The following MED12L variants were observed in gnomAD, a reference collection of about 807,000 sequenced individuals.
MED12L encodes mediator of RNA polymerase II transcription subunit 12-like protein.
MED12L carries 60 observed loss-of-function variants against 281.3 expected under a neutral mutation model. That is an observed-to-expected ratio of 0.21 (90% CI 0.17 to 0.26). The LOEUF (loss-of-function observed/expected upper bound fraction) is 0.26. Ranked by LOEUF, MED12L falls within the 10% of genes least tolerant of loss-of-function variation. The pLI is 1.00. For synonymous variants in MED12L, 974 were observed against 987.2 expected (o/e 0.99, Z 0.25); for missense variants, 2,146 against 2,680.9 (o/e 0.80, Z 4.41).
chr3:151,107,376 C>T (rs1722207195), intron 2 of MED12L, among the ~76,000 whole-genome samples: 1 of 152,126 alleles, frequency 6.6e-6, no homozygotes, highest in South Asian at 2.1e-4. Context: ...TCTAACTCCC[C>T]AGACTAGTTT....
intron 16 of MED12L, among the ~76,000 whole-genome samples, chr3:151,286,689 A>T (rs1743552155): frequency 1.3e-5 from 2 of 151,994 alleles, no homozygotes; most frequent in Admixed American, 6.6e-5. Flanking sequence ...ACATAGACAT[A>T]TTTTCCTATG....
intron 16 of MED12L, among the ~76,000 whole-genome samples, chr3:151,230,624 C>T (rs1205832420): frequency 6.8e-6 from 1 of 148,132 alleles, no homozygotes; most frequent in African/African-American, 2.5e-5. Flanking sequence ...TCTTTGAACT[C>T]TATGTGTTAT....
chr3:151,235,800 G>C (rs1017904071), intron 16 of MED12L, among the ~76,000 whole-genome samples: 4 of 152,114 alleles, frequency 2.6e-5, no homozygotes, highest in African/African-American at 9.7e-5. Flanking sequence ...ACCTTTGTGT[G>C]GCTGCCACAT....
chr3:151,133,234 A>G (rs1394288440), intron 5 of MED12L, among the ~76,000 whole-genome samples: 2 of 152,236 alleles, frequency 1.3e-5, no homozygotes, highest in Non-Finnish European at 2.9e-5. Flanking sequence ...GCAGAGCTAT[A>G]AAGCACTGCT....
intron 16 of MED12L, among the ~76,000 whole-genome samples, chr3:151,258,766 C>T (rs1213746521): frequency 1.3e-5 from 2 of 149,532 alleles, no homozygotes; most frequent in African/African-American, 2.5e-5. Flanking sequence ...GCAGGAGAAT[C>T]GCTTGAACTT....
At chr3:151,396,031 G>T (rs1272979641) in intron 39 of MED12L, among the ~76,000 whole-genome samples, 1 of 152,206 alleles carries the variant, frequency 6.6e-6, no homozygotes, top group Non-Finnish European at 1.5e-5. Context: ...CCATGTGCTT[G>T]TCTCTTCCTG....
At chr3:151,364,832 T>C in intron 21 of MED12L, 147 bp from the exon 22 acceptor site, 1 of 613,742 alleles carries the variant, frequency 1.6e-6, no homozygotes, top group Non-Finnish European at 2.9e-6. Context: ...CGCCAATTAG[T>C]AAGAAGTTCT....
rs553129662 is a variant in MED12L, at chr3:151,313,592, T to A, written c.2251-36467T>A. Among the ~76,000 whole-genome samples the A allele has an allele frequency of 7.2e-5, 11 of 151,882 alleles. No individual in the cohort carries two copies. The South Asian group carries it at 2.3e-3, about 32-fold the overall frequency. ...CAGGTGCGGTGGCTCACACCTGTAA[T>A]CCCAGCACTTTGGGAGGCCGAGATG... On this transcript the variant is annotated intron_variant, in intron 16 of 44. Coordinates refer to ENST00000687756, the MANE Select transcript of MED12L (RefSeq NM_001393769.1).
intron 5 of MED12L, among the ~76,000 whole-genome samples, chr3:151,137,572 T>C (rs906786323): frequency 2.6e-5 from 4 of 152,254 alleles, no homozygotes; most frequent in Non-Finnish European, 4.4e-5. Flanking sequence ...GACACACATA[T>C]CTGCATGTGT....
At chr3:151,417,448 G>A (rs1056888707) in intron 43 of MED12L, among the ~76,000 whole-genome samples, 19 of 148,590 alleles carry the variant, frequency 1.3e-4, no homozygotes, top group African/African-American at 2.2e-4. Flanking sequence ...CAAACTCTGC[G>A]TAAGCCAGTT....
At chr3:151,347,189 C>T (rs1169532690) in intron 16 of MED12L, among the ~76,000 whole-genome samples, 1 of 152,148 alleles carries the variant, frequency 6.6e-6, no homozygotes, top group Non-Finnish European at 1.5e-5. Flanking sequence ...ATCTCCCCTT[C>T]ATTTTTCTCA....
intron 11 of MED12L, among the ~76,000 whole-genome samples, chr3:151,184,936 C>T (rs1352576001): frequency 3.3e-5 from 5 of 152,038 alleles, no homozygotes; most frequent in Non-Finnish European, 7.4e-5. Flanking sequence ...AGTGGGGGGC[C>T]TGAGGGTGCC....
intron 16 of MED12L, among the ~76,000 whole-genome samples, chr3:151,247,962 C>CTTTTTTTTTTTTTTTTTTTTTT (rs61102632): frequency 4.6e-4 from 35 of 75,894 alleles, no homozygotes; most frequent in Non-Finnish European, 6.9e-4. Context: ...TCTTCTTCTT[C>CTTTTTTTTTTTTTTTTTTTTTT]TTTTTTTTTT....
chr3:151,157,110 TTAGTG>T (rs1383020071), intron 6 of MED12L, among the ~76,000 whole-genome samples: 24 of 152,174 alleles, frequency 1.6e-4, no homozygotes, highest in African/African-American at 5.8e-4. Flanking sequence ...AGGGACTACT[TTAGTG>T]CTGCCCTGAG....
intron 43 of MED12L, among the ~76,000 whole-genome samples, chr3:151,421,739 G>A (rs546473517): frequency 1.3e-5 from 2 of 151,710 alleles, no homozygotes; most frequent in Admixed American, 6.6e-5. Flanking sequence ...TTTATCTTTC[G>A]GTATTTTTCT....
intron 5 of MED12L, among the ~76,000 whole-genome samples, chr3:151,136,817 A>C (rs1417667886): frequency 6.6e-6 from 1 of 152,182 alleles, no homozygotes; most frequent in East Asian, 1.9e-4. Flanking sequence ...TTGGGAGTAG[A>C]AATTGTTGCA....
intron 25 of MED12L, among the ~76,000 whole-genome samples, chr3:151,368,857 G>T (rs1445812480): frequency 6.7e-6 from 1 of 150,006 alleles, no homozygotes; most frequent in African/African-American, 2.5e-5. Context: ...TGCCTCCCGG[G>T]CTTAGGCAAT....
chr3:151,173,669 C>G (rs1331112852), intron 11 of MED12L, among the ~76,000 whole-genome samples: 3 of 152,148 alleles, frequency 2.0e-5, no homozygotes, highest in Non-Finnish European at 4.4e-5. Flanking sequence ...CAGTTCAGAC[C>G]TGATTTTCAG....
intron 16 of MED12L, among the ~76,000 whole-genome samples, chr3:151,255,997 G>A (rs796778988): frequency 1.3e-4 from 20 of 152,162 alleles, no homozygotes; most frequent in African/African-American, 4.6e-4. Context: ...AAATGGTAGG[G>A]TCTCTTTTTA....
Sources: gnomAD v4.1 joint callset for allele counts (sites outside exome capture counted in the v4.1 genomes callset) on GRCh38, gnomAD v4.1.1 for gene constraint, MANE v1.5 for transcripts, NCBI Gene and HGNC (gene_info 2026-07-23, HGNC 2026-07-21) for gene names.